Variants in LRRC4C observed in about 807,000 individuals in gnomAD.
LRRC4C encodes leucine rich repeat containing 4C.
LRRC4C carries 5 observed loss-of-function variants against 33.6 expected under a neutral mutation model. The observed-to-expected ratio is 0.15, with a 90% CI of 0.08 to 0.31. The LOEUF is 0.31. Among genes scored for constraint, LRRC4C ranks in the 10% least tolerant of loss-of-function variants. LRRC4C has a pLI of 1.00. For synonymous variants in LRRC4C, 329 were observed against 302.0 expected, an observed-to-expected ratio of 1.09 and a Z score of -0.93; for missense variants, 560 against 796.7, an observed-to-expected ratio of 0.70 and a Z score of 3.58.
At chr11:40,718,166 T>A (rs1946827773) in intron 2 of LRRC4C, among the ~76,000 whole-genome samples, 1 of 152,206 alleles carries the variant, frequency 6.6e-6, no homozygotes, top group Non-Finnish European at 1.5e-5. Flanking sequence ...TATGCCTGCA[T>A]AACACAGGGC....
chr11:41,200,906 G>T (rs1310405130), intron 1 of LRRC4C, among the ~76,000 whole-genome samples: 1 of 152,196 alleles, frequency 6.6e-6, no homozygotes, highest in Non-Finnish European at 1.5e-5. Flanking sequence ...CCACTGAAGT[G>T]GGGGTGAATA....
intron 3 of LRRC4C, among the ~76,000 whole-genome samples, chr11:40,500,271 G>GATATATATAT (rs377169790): frequency 2.5e-4 from 26 of 105,006 alleles, no homozygotes; most frequent in East Asian, 8.9e-4. Context: ...CCTAATGTCT[G>GATATATATAT]ATATATATAT....
intron 3 of LRRC4C, among the ~76,000 whole-genome samples, chr11:40,434,899 C>T (rs1951084409): frequency 6.6e-6 from 1 of 152,086 alleles, no homozygotes. Flanking sequence ...TAGAGCTTGA[C>T]TGGTTTATTT....
At chr11:40,558,277 T>A (rs1957407593) in intron 3 of LRRC4C, among the ~76,000 whole-genome samples, 1 of 152,210 alleles carries the variant, frequency 6.6e-6, no homozygotes. Flanking sequence ...AGTTTACTAT[T>A]TTGGAGACTA....
At chr11:41,204,891 G>C (rs1013762782) in intron 1 of LRRC4C, among the ~76,000 whole-genome samples, 1 of 152,176 alleles carries the variant, frequency 6.6e-6, no homozygotes, top group Non-Finnish European at 1.5e-5. Flanking sequence ...GGTTTGACAT[G>C]TATTAAAGGG....
intron 1 of LRRC4C, among the ~76,000 whole-genome samples, chr11:41,237,247 C>T (rs1948064133): frequency 6.6e-6 from 1 of 152,126 alleles, no homozygotes; most frequent in South Asian, 2.1e-4. Flanking sequence ...CTCACCTTGA[C>T]CACCAAAGGA....
intron 1 of LRRC4C, among the ~76,000 whole-genome samples, chr11:41,148,045 G>A (rs1943808781): frequency 2.0e-5 from 3 of 152,044 alleles, no homozygotes; most frequent in Admixed American, 1.3e-4. Flanking sequence ...TTGAGACAGA[G>A]TCTCACTTTG....
At chr11:40,408,565 A>G (rs1682524206) in intron 3 of LRRC4C, among the ~76,000 whole-genome samples, 1 of 152,066 alleles carries the variant, frequency 6.6e-6, no homozygotes, top group African/African-American at 2.4e-5. Flanking sequence ...TTTACTCAGG[A>G]CTAAAGTTAA....
At chr11:40,808,728 C>T (rs1951355152) in intron 2 of LRRC4C, among the ~76,000 whole-genome samples, 1 of 152,132 alleles carries the variant, frequency 6.6e-6, no homozygotes, top group Non-Finnish European at 1.5e-5. Flanking sequence ...ATAGCTGTTT[C>T]ATACTTTCTC....
At chr11:41,077,656 G>A (rs1311082653) in intron 1 of LRRC4C, among the ~76,000 whole-genome samples, 3 of 152,092 alleles carry the variant, frequency 2.0e-5, no homozygotes, top group Non-Finnish European at 4.4e-5. Flanking sequence ...TGAAGGGAGG[G>A]GCTGCTGTGA....
At chr11:40,863,476 TG>T (rs1954203345) in intron 2 of LRRC4C, among the ~76,000 whole-genome samples, 1 of 152,190 alleles carries the variant, frequency 6.6e-6, no homozygotes, top group Admixed American at 6.5e-5. Context: ...ACCCCTAAAC[TG>T]GGTCCTTATA....
intron 3 of LRRC4C, among the ~76,000 whole-genome samples, chr11:40,420,850 C>A (rs890138795): frequency 2.0e-5 from 3 of 152,100 alleles, no homozygotes; most frequent in African/African-American, 7.2e-5. Context: ...CCAACAGTGT[C>A]CCTGGTATCT....
chr11:41,112,521 A>G (rs1941893964), intron 1 of LRRC4C, among the ~76,000 whole-genome samples: 1 of 152,078 alleles, frequency 6.6e-6, no homozygotes, highest in African/African-American at 2.4e-5. Flanking sequence ...GGGGAGTTGA[A>G]GTAGTGGCTT....
intron 1 of LRRC4C, among the ~76,000 whole-genome samples, chr11:41,180,582 GGT>G (rs1945402596): frequency 6.6e-6 from 1 of 152,066 alleles, no homozygotes; most frequent in African/African-American, 2.4e-5. Context: ...AATGTGTGTG[GGT>G]GTGTGTCTGT....
intron 1 of LRRC4C, among the ~76,000 whole-genome samples, chr11:41,165,627 T>C (rs1168188249): frequency 6.6e-6 from 1 of 152,166 alleles, no homozygotes; most frequent in Admixed American, 6.5e-5. Flanking sequence ...AAGTTTATCA[T>C]ATAAAATTTC....
At chr11:40,876,260 GT>G (rs34351895) in intron 2 of LRRC4C, among the ~76,000 whole-genome samples, 36 of 91,318 alleles carry the variant, frequency 3.9e-4, no homozygotes, top group African/African-American at 1.3e-3. Flanking sequence ...CTCAGTTAGG[GT>G]TTTTTTTTTT....
chr11:41,092,504 A>G (rs1007703887), intron 1 of LRRC4C, among the ~76,000 whole-genome samples: 40 of 152,180 alleles, frequency 2.6e-4, no homozygotes, highest in African/African-American at 9.4e-4. Flanking sequence ...ATTGCATCAA[A>G]AGGCTATAAT....
chr11:41,295,816 T>C (rs1380905749), intron 1 of LRRC4C, among the ~76,000 whole-genome samples: 4 of 152,206 alleles, frequency 2.6e-5, no homozygotes, highest in African/African-American at 9.6e-5. Flanking sequence ...GGGAAGGGCT[T>C]GGGATTGACT....
intron 3 of LRRC4C, among the ~76,000 whole-genome samples, chr11:40,489,758 A>G (rs1223405563): frequency 6.6e-6 from 1 of 152,132 alleles, no homozygotes; most frequent in East Asian, 1.9e-4. Flanking sequence ...GTCAGCTCCC[A>G]TTTACTATTC....
Sources: allele counts gnomAD v4.1 joint callset (sites outside exome capture counted in the v4.1 genomes callset), GRCh38; gene constraint gnomAD v4.1.1; transcripts MANE v1.5; gene names NCBI Gene and HGNC (gene_info 2026-07-23, HGNC 2026-07-21).